SPRED1: variants seen among roughly 807,000 people sequenced by gnomAD.
SPRED1 encodes the protein sprouty-related, EVH1 domain-containing protein 1.
SPRED1 carries 18 observed loss-of-function variants against 52.3 expected under a neutral mutation model. That is an observed-to-expected ratio of 0.34 (90% CI 0.24 to 0.51). SPRED1 has a LOEUF of 0.51. SPRED1 is among the 20% of genes least tolerant of loss of function. SPRED1 has a pLI of 0.97. For synonymous variants in SPRED1, 155 were observed against 179.7 expected (o/e 0.86, Z 1.10); for missense variants, 485 against 551.0 (o/e 0.88, Z 1.20).
At chr15:38,313,858 T>C (rs1304888892) in intron 2 of SPRED1, among the ~76,000 whole-genome samples, 1 of 151,798 alleles carries the variant, frequency 6.6e-6, no homozygotes. Context: ...ACAAATTTCC[T>C]TTTTGGCTTC....
intron 4 of SPRED1, among the ~76,000 whole-genome samples, chr15:38,333,416 G>A (rs1018235017): frequency 1.3e-5 from 2 of 152,086 alleles, no homozygotes; most frequent in African/African-American, 4.8e-5. Flanking sequence ...AAGAAATGAG[G>A]ATGAAAATCA....
At chr15:38,314,887 C>G (rs1262340945) in intron 2 of SPRED1, among the ~76,000 whole-genome samples, 1 of 151,594 alleles carries the variant, frequency 6.6e-6, no homozygotes, top group Admixed American at 6.6e-5. Flanking sequence ...TTTGTGGTAG[C>G]TGAAGGTAAC....
At chr15:38,318,034 A>C (rs1242174931) in intron 2 of SPRED1, among the ~76,000 whole-genome samples, 1 of 152,060 alleles carries the variant, frequency 6.6e-6, no homozygotes, top group Non-Finnish European at 1.5e-5. Flanking sequence ...AACCTATGAG[A>C]ATTATGTAAA....
chr15:38,350,681 TC>T (rs1888463457), intron 6 of SPRED1, among the ~76,000 whole-genome samples: 1 of 152,126 alleles, frequency 6.6e-6, no homozygotes, highest in African/African-American at 2.4e-5. Context: ...GAGGTACAGA[TC>T]CAAAACAGGG....
At chr15:38,306,446 A>G (rs1566861986) in intron 2 of SPRED1, among the ~76,000 whole-genome samples, 1 of 152,170 alleles carries the variant, frequency 6.6e-6, no homozygotes, top group Non-Finnish European at 1.5e-5. Context: ...CCTTGGACAA[A>G]CAATTTTGCT....
At chr15:38,313,061 A>G (rs765703950) in intron 2 of SPRED1, among the ~76,000 whole-genome samples, 2 of 151,894 alleles carry the variant, frequency 1.3e-5, no homozygotes, top group African/African-American at 4.8e-5. Flanking sequence ...TTTCTGAACT[A>G]TGTGATGTAA....
intron 1 of SPRED1, among the ~76,000 whole-genome samples, chr15:38,264,647 C>T (rs1207641973): frequency 1.3e-5 from 2 of 152,104 alleles, no homozygotes; most frequent in East Asian, 3.9e-4. Flanking sequence ...AATCCTAAGC[C>T]AGTGCCAGTG....
intron 1 of SPRED1, among the ~76,000 whole-genome samples, chr15:38,290,897 C>T (rs1357406851): frequency 1.3e-5 from 2 of 152,142 alleles, no homozygotes; most frequent in Non-Finnish European, 2.9e-5. Context: ...CCCTTGGCCC[C>T]TGCAGTTCTC....
chr15:38,335,805 T>G (rs2141004468), intron 4 of SPRED1, among the ~76,000 whole-genome samples: 1 of 152,106 alleles, frequency 6.6e-6, no homozygotes, highest in East Asian at 1.9e-4. Flanking sequence ...TAAACCTGCC[T>G]CATTCTAGCA....
At chr15:38,286,802 GAT>G (rs1894820379) in intron 1 of SPRED1, among the ~76,000 whole-genome samples, 2 of 152,122 alleles carry the variant, frequency 1.3e-5, no homozygotes, top group Admixed American at 1.3e-4. Context: ...AGTGTCTTTT[GAT>G]TGCCAGTTTA....
intron 1 of SPRED1, among the ~76,000 whole-genome samples, chr15:38,276,052 ATTAT>A (rs1435464047): frequency 6.6e-6 from 1 of 152,186 alleles, no homozygotes; most frequent in East Asian, 1.9e-4. Context: ...ATTCAAGAAA[ATTAT>A]TTATTAATAA....
intron 1 of SPRED1, among the ~76,000 whole-genome samples, chr15:38,256,197 C>T (rs957332778): frequency 1.3e-5 from 2 of 152,068 alleles, no homozygotes; most frequent in East Asian, 1.9e-4. Context: ...TCTTACTTTT[C>T]AAAAATAGTA....
At chr15:38,348,928 T>A (rs1274979142) in intron 5 of SPRED1, among the ~76,000 whole-genome samples, 2 of 152,142 alleles carry the variant, frequency 1.3e-5, no homozygotes, top group African/African-American at 4.8e-5. Context: ...AAAATCATCC[T>A]TTAAAAAAGT....
chr15:38,351,521 G>A lies in SPRED1; in HGVS notation c.1192G>A (p.Asp398Asn), dbSNP rs771480941. ...TCCCTGTTCGTGTGACACTAGCGAC[G>A]ACAAGTTCTGCTTGCGATGGTTAGC... Reference protein sequence around the residue: ...SDPCSCDTSDDKFCLRWLALV... With the variant: ...SDPCSCDTSDNKFCLRWLALV... The change falls in exon 7 of 7, where the codon GAC (aspartate) becomes AAC (asparagine). Residue 398 changes from aspartate to asparagine, a missense_variant. Coordinates refer to ENST00000299084, the MANE Select transcript of SPRED1 (RefSeq NM_152594.3). The A allele has an allele frequency of 1.1e-4, 171 of 1,613,982 alleles. 1 individual carries two copies. The Admixed American group carries it at 1.9e-3, about 18-fold the overall frequency.
intron 1 of SPRED1, among the ~76,000 whole-genome samples, chr15:38,253,997 T>C (rs1900051000): frequency 6.6e-6 from 1 of 152,224 alleles, no homozygotes; most frequent in Admixed American, 6.5e-5. Flanking sequence ...GTTTAAGTTT[T>C]AGCTTATTTG....
At chr15:38,270,558 A>G (rs528857612) in intron 1 of SPRED1, among the ~76,000 whole-genome samples, 1 of 152,298 alleles carries the variant, frequency 6.6e-6, no homozygotes, top group African/African-American at 2.4e-5. Context: ...GCAAAGGGGA[A>G]GCAAGTATTA....
rs74007151 is a variant in SPRED1, at chr15:38,308,664, A to G, written c.207+9117A>G. ...CGAGGGTTGATCCAGGTTATTGAGTATCTCCAGAGTTTGTTCCTTTTATTG... is the reference window on the plus strand; with the variant it reads ...CGAGGGTTGATCCAGGTTATTGAGTGTCTCCAGAGTTTGTTCCTTTTATTG... On this transcript the variant is annotated intron_variant, in intron 2 of 6. Coordinates refer to ENST00000299084, the MANE Select transcript of SPRED1 (RefSeq NM_152594.3). 8.5e-5 allele frequency among the ~76,000 whole-genome samples: 13 copies of G among 152,124 alleles called. No individual in the cohort carries two copies. In the East Asian group the frequency reaches 2.5e-3, roughly 29 times the overall value.
intron 4 of SPRED1, among the ~76,000 whole-genome samples, chr15:38,337,863 G>A (rs181425916): frequency 2.0e-5 from 3 of 151,766 alleles, no homozygotes; most frequent in Admixed American, 2.0e-4. Context: ...ATTGTTTATA[G>A]TTTTCAGTCT....
chr15:38,288,711 C>A (rs544145019), intron 1 of SPRED1, among the ~76,000 whole-genome samples: 1 of 152,218 alleles, frequency 6.6e-6, no homozygotes, highest in East Asian at 1.9e-4. Context: ...GAGGTATAGC[C>A]TTCTAAGTTA....
Sources: gnomAD v4.1 joint callset for allele counts (sites outside exome capture counted in the v4.1 genomes callset) on GRCh38, gnomAD v4.1.1 for gene constraint, MANE v1.5 for transcripts, NCBI Gene and HGNC (gene_info 2026-07-23, HGNC 2026-07-21) for gene names.